The following GPC5 variants were observed in gnomAD, a reference collection of about 807,000 sequenced individuals.
GPC5 encodes glypican-5.
GPC5 carries 47 observed loss-of-function variants against 53.9 expected under a neutral mutation model. The ratio of observed to expected loss-of-function variants is 0.87; its 90% CI spans 0.69 to 1.11. The LOEUF is 1.11. GPC5 is among the 50% of genes most tolerant of loss of function. GPC5 has a pLI of 0.00. For missense variants in GPC5, 748 were observed against 713.1 expected, an observed-to-expected ratio of 1.05 and a Z score of -0.56; for synonymous variants, 286 against 263.3, an observed-to-expected ratio of 1.09 and a Z score of -0.84.
chr13:92,424,080 C>T (rs1239449846), intron 7 of GPC5, among the ~76,000 whole-genome samples: 4 of 152,090 alleles, frequency 2.6e-5, no homozygotes. Flanking sequence ...AATGCCCTTT[C>T]CCCTTGAGAA....
chr13:91,902,007 C>T (rs1304012602), intron 5 of GPC5, among the ~76,000 whole-genome samples: 1 of 152,000 alleles, frequency 6.6e-6, no homozygotes, highest in Non-Finnish European at 1.5e-5. Flanking sequence ...TTTTCCTCAT[C>T]TACTATTAAT....
intron 3 of GPC5, among the ~76,000 whole-genome samples, chr13:91,712,376 GTGTGTATATATA>G (rs2036245651): frequency 1.3e-5 from 2 of 151,632 alleles, no homozygotes; most frequent in African/African-American, 4.9e-5. Context: ...GTATATATAT[GTGTGTATATATA>G]TGTGTGTGTG....
chr13:91,704,468 T>C (rs538148670), intron 3 of GPC5, among the ~76,000 whole-genome samples: 1 of 152,302 alleles, frequency 6.6e-6, no homozygotes, highest in African/African-American at 2.4e-5. Context: ...CCTCTGCTGG[T>C]CATGGGGCCC....
At chr13:91,935,110 G>A (rs192883630) in intron 6 of GPC5, among the ~76,000 whole-genome samples, 5 of 152,040 alleles carry the variant, frequency 3.3e-5, no homozygotes, top group African/African-American at 1.2e-4. Context: ...CATGGCAGCA[G>A]GTCGTAACAG....
At chr13:92,503,621 C>G (rs1880265256) in intron 7 of GPC5, among the ~76,000 whole-genome samples, 1 of 151,632 alleles carries the variant, frequency 6.6e-6, no homozygotes, top group South Asian at 2.1e-4. Context: ...CTGTAAACTT[C>G]TGGAAAGACT....
intron 7 of GPC5, among the ~76,000 whole-genome samples, chr13:92,194,852 G>A (rs938300957): frequency 6.6e-6 from 1 of 152,196 alleles, no homozygotes; most frequent in Non-Finnish European, 1.5e-5. Flanking sequence ...GGTAGAGTGA[G>A]AAGGAAAGTG....
chr13:91,671,045 A>G (rs997860320), intron 2 of GPC5, among the ~76,000 whole-genome samples: 1 of 152,156 alleles, frequency 6.6e-6, no homozygotes, highest in African/African-American at 2.4e-5. Context: ...GGATAGATTT[A>G]TTTTAGGCAT....
intron 7 of GPC5, among the ~76,000 whole-genome samples, chr13:92,817,557 T>C (rs1256257207): frequency 6.6e-6 from 1 of 152,002 alleles, no homozygotes; most frequent in Non-Finnish European, 1.5e-5. Context: ...GTACAGAATT[T>C]TGACTATATT....
intron 7 of GPC5, among the ~76,000 whole-genome samples, chr13:92,376,078 T>C (rs2043691637): frequency 1.3e-5 from 2 of 152,204 alleles, no homozygotes; most frequent in Admixed American, 6.5e-5. Context: ...GTAGTTTCAT[T>C]GAGAAACTTT....
At chr13:92,340,602 T>C (rs183497884) in intron 7 of GPC5, 11 of 152,264 alleles carry the variant, frequency 7.2e-5, no homozygotes, top group Non-Finnish European at 1.3e-4. Context: ...CTTTAAGAAT[T>C]TTTACTTGGA....
intron 7 of GPC5, among the ~76,000 whole-genome samples, chr13:92,540,095 C>A (rs1881885866): frequency 6.6e-6 from 1 of 151,798 alleles, no homozygotes; most frequent in Non-Finnish European, 1.5e-5. Flanking sequence ...GATGTTGGGG[C>A]CTTTCCACAT....
At chr13:91,661,663 G>T (rs948435709) in intron 2 of GPC5, among the ~76,000 whole-genome samples, 1 of 152,182 alleles carries the variant, frequency 6.6e-6, no homozygotes, top group Non-Finnish European at 1.5e-5. Context: ...CATTGGCACA[G>T]AGAATTGAAA....
At position 91,750,788 on chromosome 13, in the gene GPC5, G is replaced by A. The variant is rs143480663; in HGVS notation, c.1155-5507G>A. 7.4e-3 allele frequency among the ~76,000 whole-genome samples: 1,034 copies of A among 139,894 alleles called. 7 individuals carry two copies. The highest frequency in any genetic ancestry group is 0.012 in the Non-Finnish European group (777 of 66,052). The allele number at this position is 139,894 out of a possible 152,430, so 91.8% of individuals were successfully genotyped here. ...CTCTGCCTCCCGGCCTCAGCCTCCCGAGTAGCTGGGATTACAGGCCTGCGC... is the reference window on the plus strand; with the variant it reads ...CTCTGCCTCCCGGCCTCAGCCTCCCAAGTAGCTGGGATTACAGGCCTGCGC... On this transcript the variant is annotated intron_variant, in intron 4 of 7. Coordinates refer to ENST00000377067, the MANE Select transcript of GPC5 (RefSeq NM_004466.6).
intron 7 of GPC5, among the ~76,000 whole-genome samples, chr13:92,348,493 T>G (rs2043447379): frequency 6.6e-6 from 1 of 152,048 alleles, no homozygotes; most frequent in Non-Finnish European, 1.5e-5. Flanking sequence ...GAGACTTTAA[T>G]ATATCACTTT....
chr13:92,547,088 G>T (rs1211500808), intron 7 of GPC5, among the ~76,000 whole-genome samples: 2 of 152,096 alleles, frequency 1.3e-5, no homozygotes, highest in African/African-American at 4.8e-5. Flanking sequence ...TATTTCAAAA[G>T]ATATCTTTGC....
intron 6 of GPC5, among the ~76,000 whole-genome samples, chr13:91,989,686 C>A (rs529105843): frequency 8.1e-4 from 123 of 152,138 alleles, no homozygotes; most frequent in Non-Finnish European, 1.6e-3. Flanking sequence ...TGTTCTGGTT[C>A]AATAAGCAAG....
chr13:91,477,767 T>A (rs1455775965), intron 2 of GPC5, among the ~76,000 whole-genome samples: 1 of 152,158 alleles, frequency 6.6e-6, no homozygotes, highest in Non-Finnish European at 1.5e-5. Context: ...GGCAACCATG[T>A]GAAATGAGAA....
At chr13:92,550,311 C>A (rs973550782) in intron 7 of GPC5, among the ~76,000 whole-genome samples, 5 of 151,800 alleles carry the variant, frequency 3.3e-5, no homozygotes, top group African/African-American at 1.2e-4. Flanking sequence ...TTAAATTACT[C>A]CATGGGATTG....
At chr13:91,816,282 G>T (rs1035288174) in intron 5 of GPC5, among the ~76,000 whole-genome samples, 6 of 152,088 alleles carry the variant, frequency 3.9e-5, no homozygotes, top group Non-Finnish European at 8.8e-5. Flanking sequence ...GATACTCAAG[G>T]TGGGCATTGG....
Sources: allele counts gnomAD v4.1 joint callset (sites outside exome capture counted in the v4.1 genomes callset), GRCh38; gene constraint gnomAD v4.1.1; transcripts MANE v1.5; gene names NCBI Gene and HGNC (gene_info 2026-07-23, HGNC 2026-07-21).